TMED3: variants seen among roughly 807,000 people sequenced by gnomAD.
The protein encoded by TMED3 is transmembrane p24 trafficking protein 3.
TMED3 carries 9 observed loss-of-function variants against 15.0 expected under a neutral mutation model. That is an observed-to-expected ratio of 0.60 (90% CI 0.36 to 1.04). The LOEUF is 1.04. Ranked by LOEUF, TMED3 falls within the 50% of genes least tolerant of loss-of-function variation. The probability of loss-of-function intolerance (pLI) is 0.01; values close to 1 mark genes in which losing one functional copy is unlikely to be tolerated. For missense variants in TMED3, 267 were observed against 278.9 expected, an observed-to-expected ratio of 0.96 and a Z score of 0.30; for synonymous variants, 117 against 121.4, an observed-to-expected ratio of 0.96 and a Z score of 0.24.
At chr15:79,409,493 G>A (rs918899773) in intron 2 of TMED3, among the ~76,000 whole-genome samples, 3 of 152,184 alleles carry the variant, frequency 2.0e-5, no homozygotes, top group African/African-American at 7.2e-5. Flanking sequence ...ACTGCTCAGA[G>A]TTCATGCAAA....
At chr15:79,333,668 T>G (rs2058817558) in intron 2 of TMED3, among the ~76,000 whole-genome samples, 2 of 152,232 alleles carry the variant, frequency 1.3e-5, no homozygotes, top group Non-Finnish European at 2.9e-5. Context: ...TCACATGTTT[T>G]GTTGGGCTAT....
intron 2 of TMED3, among the ~76,000 whole-genome samples, chr15:79,388,845 G>T (rs908806213): frequency 1.1e-4 from 17 of 152,116 alleles, no homozygotes; most frequent in African/African-American, 4.1e-4. Flanking sequence ...GATCATTAGT[G>T]ATGTTAAGTA....
At chr15:79,374,774 G>A (rs1893398011) in intron 2 of TMED3, among the ~76,000 whole-genome samples, 1 of 152,138 alleles carries the variant, frequency 6.6e-6, no homozygotes, top group Non-Finnish European at 1.5e-5. Context: ...ATTTGCAAAT[G>A]GACCAGGGCA....
rs537567787 is a variant in TMED3 at position 79,337,666 on chromosome 15, T to G, written c.417+23661T>G. ...CTTTTATAAGATATCGATCACACAC[T>G]CGCATCAGCAGGAACGTGCACAGAA... On this transcript the variant is annotated intron_variant, in intron 2 of 2. Transcript: ENST00000424155. Among the ~76,000 whole-genome samples the G allele has an allele frequency of 8.5e-5, 13 of 152,310 alleles. No individual in the cohort carries two copies. The South Asian group carries it at 2.5e-3, about 29-fold the overall frequency.
At chr15:79,354,013 G>T (rs2058908719) in intron 2 of TMED3, among the ~76,000 whole-genome samples, 1 of 152,078 alleles carries the variant, frequency 6.6e-6, no homozygotes, top group Non-Finnish European at 1.5e-5. Context: ...AACAGATTGT[G>T]GACTGAACCC....
chr15:79,402,191 A>G (rs1893842500), intron 2 of TMED3, among the ~76,000 whole-genome samples: 4 of 152,200 alleles, frequency 2.6e-5, no homozygotes, highest in Admixed American at 1.3e-4. Context: ...ATGAGACCTC[A>G]GGAGCAGAAG....
chr15:79,325,453 C>T (rs919052411), downstream of TMED3, among the ~76,000 whole-genome samples: 12 of 152,154 alleles, frequency 7.9e-5, no homozygotes, highest in South Asian at 2.5e-3. Context: ...GTGATGTTTT[C>T]TTTGTTGAAA....
chr15:79,357,063 T>C (rs2058922183), intron 2 of TMED3, among the ~76,000 whole-genome samples: 8 of 152,118 alleles, frequency 5.3e-5, no homozygotes, highest in Admixed American at 3.3e-4. Context: ...TGAACAAACA[T>C]ATAAACATAT....
intron 2 of TMED3, among the ~76,000 whole-genome samples, chr15:79,365,099 G>A (rs534528097): frequency 1.6e-4 from 25 of 152,348 alleles, no homozygotes; most frequent in African/African-American, 4.6e-4. Flanking sequence ...GCGGAGACGA[G>A]GGAACAGGCG....
intron 2 of TMED3, among the ~76,000 whole-genome samples, chr15:79,355,446 T>C (rs950669510): frequency 6.6e-6 from 1 of 152,094 alleles, no homozygotes; most frequent in Non-Finnish European, 1.5e-5. Context: ...CCACACCAGC[T>C]CACCCAAAGG....
chr15:79,360,374 T>G (rs970641585), intron 2 of TMED3, among the ~76,000 whole-genome samples: 3 of 151,780 alleles, frequency 2.0e-5, no homozygotes, highest in Admixed American at 2.0e-4. Flanking sequence ...GAACCAGGGG[T>G]GTTTAGGTGG....
downstream of TMED3, among the ~76,000 whole-genome samples, chr15:79,324,028 T>C (rs2058778164): frequency 6.6e-6 from 1 of 152,198 alleles, no homozygotes; most frequent in Non-Finnish European, 1.5e-5. Context: ...TCTCACTCTG[T>C]CGCCCAGGCT....
In TMED3 at chr15:79,382,999, C is replaced by T. The variant is rs193043496; in HGVS notation, c.418-28401C>T. 12 of 1,535,452 alleles carry T rather than the reference C, an allele frequency of 7.8e-6. No individual in the cohort carries two copies. The East Asian group carries it at 2.9e-4, about 38-fold the overall frequency. On this transcript the variant is annotated intron_variant, in intron 2 of 2. Coordinates refer to the TMED3 transcript ENST00000424155. ...AGTGCTTCACCAACACCAACGCCAC[C>T]ACTAAGGGTTCCAGTGTGATCACCA...
chr15:79,341,888 G>T (rs1053039330), intron 2 of TMED3, among the ~76,000 whole-genome samples: 14 of 152,208 alleles, frequency 9.2e-5, no homozygotes, highest in African/African-American at 3.1e-4. Context: ...GTCCAGGGAT[G>T]CTGCTGAACA....
rs370297751 is a variant in TMED3, at chr15:79,311,142, C to T, written c.-108C>T. ...CGGAAGCGCAGAGCTCCGCTGGTGC[C>T]ACGTCTATCCCCTTACATCCTCCTA... On this transcript the variant is annotated 5_prime_UTR_variant, in exon 1 of 3. Coordinates refer to ENST00000299705, the MANE Select transcript of TMED3 (RefSeq NM_007364.4). 4 of 1,254,880 alleles carry T rather than the reference C, an allele frequency of 3.2e-6. No homozygotes were observed. Among genetic ancestry groups the T allele is most frequent in the African/African-American group, 3.2e-5 (2 of 63,460 alleles). The allele number at this position is 1,254,880 out of a possible 1,614,324, so 77.7% of individuals were successfully genotyped here.
rs2058771714 is a variant in TMED3, at chr15:79,322,370, C to A, written c.*156C>A. The A allele has an allele frequency of 6.2e-6, 9 of 1,453,910 alleles. No homozygotes were observed. Among genetic ancestry groups the A allele is most frequent in the Non-Finnish European group, 8.1e-6 (9 of 1,107,814 alleles). The allele number at this position is 1,453,910 out of a possible 1,614,324, so 90.1% of individuals were successfully genotyped here. A position where few individuals can be genotyped will look rare whatever the true frequency, so the allele number is the denominator to read the frequency against. ...TCATGCCCATGCTTGATTCTTGCACCTCAGCAGCTGAAGGTCTCAGAGACC... is the reference window on the plus strand; with the variant it reads ...TCATGCCCATGCTTGATTCTTGCACATCAGCAGCTGAAGGTCTCAGAGACC... On this transcript the variant is annotated 3_prime_UTR_variant, in exon 3 of 3. Coordinates refer to ENST00000299705, the MANE Select transcript of TMED3 (RefSeq NM_007364.4).
At chr15:79,375,349 C>G (rs1347748169) in intron 2 of TMED3, among the ~76,000 whole-genome samples, 2 of 152,118 alleles carry the variant, frequency 1.3e-5, no homozygotes, top group African/African-American at 4.8e-5. Flanking sequence ...CTTGGTTACT[C>G]CCAGGGACTT....
intron 2 of TMED3, among the ~76,000 whole-genome samples, chr15:79,330,129 T>C (rs2058802739): frequency 6.6e-6 from 1 of 152,180 alleles, no homozygotes; most frequent in South Asian, 2.1e-4. Context: ...CTCTAAGAAC[T>C]GGAACAGGAC....
At chr15:79,369,829 T>A (rs938431706) in intron 2 of TMED3, among the ~76,000 whole-genome samples, 1 of 152,228 alleles carries the variant, frequency 6.6e-6, no homozygotes, top group Non-Finnish European at 1.5e-5. Context: ...CAGGGGCCTC[T>A]TTGCTGTTTC....
Sources: gnomAD v4.1 joint callset for allele counts (sites outside exome capture counted in the v4.1 genomes callset) on GRCh38, gnomAD v4.1.1 for gene constraint, MANE v1.5 for transcripts, NCBI Gene and HGNC (gene_info 2026-07-23, HGNC 2026-07-21) for gene names.